DIAPH2: variants seen among roughly 807,000 people sequenced by gnomAD.
The protein encoded by DIAPH2 is protein diaphanous homolog 2.
DIAPH2 carries 35 observed loss-of-function variants against 92.7 expected under a neutral mutation model. The observed-to-expected ratio is 0.38, with a 90% CI of 0.29 to 0.50. DIAPH2 has a LOEUF of 0.50. DIAPH2 is among the 20% of genes least tolerant of loss of function. DIAPH2 has a pLI of 0.94. For synonymous variants in DIAPH2, 301 were observed against 280.4 expected (o/e 1.07, Z -0.73); for missense variants, 701 against 819.5 (o/e 0.86, Z 1.77).
intron 22 of DIAPH2, among the ~76,000 whole-genome samples, chrX:97,228,552 T>C (rs1380786593): frequency 8.9e-6 from 1 of 111,839 alleles, no homozygotes; most frequent in Non-Finnish European, 1.9e-5. Flanking sequence ...TCATACCCTT[T>C]ATTAGGCAGC....
intron 19 of DIAPH2, among the ~76,000 whole-genome samples, chrX:97,086,356 G>T (rs1001302568): frequency 1.8e-5 from 2 of 111,823 alleles, no homozygotes; most frequent in Non-Finnish European, 3.8e-5. Context: ...ACTCATAGAA[G>T]CACAGAGTAG....
chrX:96,818,730 G>T (rs1363294027), intron 4 of DIAPH2, among the ~76,000 whole-genome samples: 1 of 111,854 alleles, frequency 8.9e-6, no homozygotes, highest in African/African-American at 3.3e-5. Context: ...TTTGTTATTT[G>T]TTTTTGTGAT....
intron 22 of DIAPH2, among the ~76,000 whole-genome samples, chrX:97,233,149 T>C (rs1029490343): frequency 8.9e-6 from 1 of 112,298 alleles, no homozygotes. Flanking sequence ...TGCAGTGCTA[T>C]GCCATTAGCA....
chrX:97,276,145 C>T (rs1423460143), intron 23 of DIAPH2, among the ~76,000 whole-genome samples: 2 of 110,346 alleles, frequency 1.8e-5, no homozygotes, highest in Non-Finnish European at 3.8e-5. Context: ...GGCGTGGCGG[C>T]GCGTGCCTGC....
intron 22 of DIAPH2, among the ~76,000 whole-genome samples, chrX:97,175,551 G>A (rs1248618664): frequency 8.9e-6 from 1 of 112,098 alleles, no homozygotes; most frequent in Non-Finnish European, 1.9e-5. Context: ...TCTGCTAGCT[G>A]CGAGAATGGC....
At chrX:97,560,661 T>C (rs1038094369) in intron 26 of DIAPH2, among the ~76,000 whole-genome samples, 2 of 111,731 alleles carry the variant, frequency 1.8e-5, no homozygotes, top group Non-Finnish European at 3.8e-5. Flanking sequence ...CCCAGCTAGT[T>C]TTTGTATTTT....
At chrX:96,782,038 G>A in intron 4 of DIAPH2, among the ~76,000 whole-genome samples, 1 of 112,121 alleles carries the variant, frequency 8.9e-6, no homozygotes. Flanking sequence ...TGAATCTTTT[G>A]TGACTTTTAT....
chrX:96,890,036 A>G (rs929764390), intron 5 of DIAPH2, among the ~76,000 whole-genome samples: 3 of 111,255 alleles, frequency 2.7e-5, no homozygotes, highest in African/African-American at 9.8e-5. Context: ...TACATTTTTA[A>G]AGGATAGCCC....
At chrX:97,345,867 A>G (rs1489224451) in intron 23 of DIAPH2, among the ~76,000 whole-genome samples, 1 of 111,964 alleles carries the variant, frequency 8.9e-6, no homozygotes, top group Non-Finnish European at 1.9e-5. Context: ...CAAAATGTTC[A>G]CAATACTTGT....
At chrX:97,562,513 G>T (rs1190654770) in intron 26 of DIAPH2, among the ~76,000 whole-genome samples, 2 of 84,263 alleles carry the variant, frequency 2.4e-5, no homozygotes, top group Non-Finnish European at 4.6e-5. Flanking sequence ...TCCAGCCTGG[G>T]TGACAGAGCA....
intron 26 of DIAPH2, among the ~76,000 whole-genome samples, chrX:97,573,178 A>C (rs1184163153): frequency 9.0e-6 from 1 of 111,465 alleles, no homozygotes; most frequent in Admixed American, 9.6e-5. Flanking sequence ...TGGGAACCTG[A>C]GCTCATTCAG....
At chrX:96,888,545 A>G (rs2065281235) in intron 5 of DIAPH2, among the ~76,000 whole-genome samples, 2 of 96,828 alleles carry the variant, frequency 2.1e-5, no homozygotes, top group African/African-American at 7.6e-5. Flanking sequence ...ATACATACAG[A>G]TATATATATC....
rs1368054250 is a variant in DIAPH2, at chrX:97,273,090, G to T, written c.2844+25251G>T. On this transcript the variant is annotated intron_variant, in intron 23 of 26. Transcript: ENST00000324765. ...GAATCGCTCAAACCCGGGAGGTGGAGGTTGTGGTGAGCCAAGATCGTGCCA... is the reference window on the plus strand; with the variant it reads ...GAATCGCTCAAACCCGGGAGGTGGATGTTGTGGTGAGCCAAGATCGTGCCA... Among the ~76,000 whole-genome samples the T allele has an allele frequency of 1.2e-4, 13 of 112,087 alleles. No individual in the cohort carries two copies. The East Asian group carries it at 3.6e-3, about 31-fold the overall frequency.
chrX:97,224,077 G>A (rs935107037), intron 22 of DIAPH2, among the ~76,000 whole-genome samples: 1 of 111,586 alleles, frequency 9.0e-6, no homozygotes, highest in Non-Finnish European at 1.9e-5. Flanking sequence ...ATTGTTAATT[G>A]TCAGTTTCTG....
At chrX:96,840,385 G>C (rs909485852) in intron 4 of DIAPH2, among the ~76,000 whole-genome samples, 4 of 111,608 alleles carry the variant, frequency 3.6e-5, no homozygotes, top group African/African-American at 1.3e-4. Context: ...GTTTTGGAGA[G>C]TAAATGCATT....
intron 5 of DIAPH2, among the ~76,000 whole-genome samples, chrX:96,899,707 A>G (rs2038787198): frequency 9.1e-6 from 1 of 110,427 alleles, no homozygotes; most frequent in African/African-American, 3.3e-5. Context: ...TTCCTAATTG[A>G]ATACCCTTTA....
At chrX:96,748,687 G>A (rs1277180932) in intron 3 of DIAPH2, among the ~76,000 whole-genome samples, 1 of 111,259 alleles carries the variant, frequency 9.0e-6, no homozygotes, top group Non-Finnish European at 1.9e-5. Context: ...AGTTATAAAA[G>A]AAAAGGAAAA....
At chrX:97,108,070 G>A (rs1022091110) in intron 20 of DIAPH2, among the ~76,000 whole-genome samples, 6 of 110,842 alleles carry the variant, frequency 5.4e-5, no homozygotes, top group African/African-American at 1.6e-4. Context: ...CGTAGGTACT[G>A]AAGTGTGTAA....
chrX:97,380,395 T>C (rs1432567524), intron 24 of DIAPH2, among the ~76,000 whole-genome samples: 2 of 111,808 alleles, frequency 1.8e-5, no homozygotes, highest in East Asian at 5.6e-4. Context: ...TAAGTACTCA[T>C]GAGTTAGTGT....
Sources: gnomAD v4.1 joint callset for allele counts (sites outside exome capture counted in the v4.1 genomes callset) on GRCh38, gnomAD v4.1.1 for gene constraint, MANE v1.5 for transcripts, NCBI Gene and HGNC (gene_info 2026-07-23, HGNC 2026-07-21) for gene names.